The following KCNQ5 variants were observed in gnomAD, a reference collection of about 807,000 sequenced individuals.
The protein encoded by KCNQ5 is potassium voltage-gated channel subfamily KQT member 5.
In KCNQ5, 30 loss-of-function variants were observed where a neutral mutation model predicts 98.2. The ratio of observed to expected loss-of-function variants is 0.31; its 90% CI spans 0.23 to 0.41. The LOEUF (loss-of-function observed/expected upper bound fraction) is 0.41, where lower values mean the gene tolerates loss of function less well. Ranked by LOEUF, KCNQ5 falls within the 10% of genes least tolerant of loss-of-function variation. KCNQ5 has a pLI of 1.00. For missense variants in KCNQ5, 835 were observed against 1,182.5 expected, an observed-to-expected ratio of 0.71 and a Z score of 4.31; for synonymous variants, 458 against 449.4, an observed-to-expected ratio of 1.02 and a Z score of -0.24.
At chr6:72,806,597 A>G (rs1358989195) in intron 1 of KCNQ5, among the ~76,000 whole-genome samples, 1 of 152,190 alleles carries the variant, frequency 6.6e-6, no homozygotes, top group Non-Finnish European at 1.5e-5. Flanking sequence ...CACAACCTCA[A>G]GAGGTTCTCT....
At position 72,889,561 on chromosome 6, in the gene KCNQ5, A is replaced by G. The variant is rs541203170; in HGVS notation, c.399-114347A>G. Among the ~76,000 whole-genome samples the G allele has an allele frequency of 2.0e-5, 3 of 152,308 alleles. No individual in the cohort carries two copies. In the East Asian group the frequency reaches 5.8e-4, roughly 29 times the overall value. ...AGAAACAAACTCACCTTGACTCAGC[A>G]TCTACTATGTGCCAAGCGCCATGCT... is the stretch of plus-strand genomic sequence containing the variant. On this transcript the variant is annotated intron_variant, in intron 1 of 13. Coordinates refer to ENST00000370398, the MANE Select transcript of KCNQ5 (RefSeq NM_019842.4).
chr6:73,124,140 G>A (rs1775854198), intron 8 of KCNQ5, among the ~76,000 whole-genome samples: 1 of 152,188 alleles, frequency 6.6e-6, no homozygotes, highest in Admixed American at 6.5e-5. Context: ...CAGTTATGTT[G>A]TAACTAGCAA....
At chr6:72,743,935 G>A (rs1034832598) in intron 1 of KCNQ5, among the ~76,000 whole-genome samples, 4 of 152,144 alleles carry the variant, frequency 2.6e-5, no homozygotes, top group Non-Finnish European at 2.9e-5. Flanking sequence ...TTAGCCCATA[G>A]GCAGAAGTTC....
At chr6:72,674,264 A>G (rs1020170157) in intron 1 of KCNQ5, among the ~76,000 whole-genome samples, 1 of 151,808 alleles carries the variant, frequency 6.6e-6, no homozygotes, top group Admixed American at 6.6e-5. Flanking sequence ...AGCCTTGGTA[A>G]TACTTAGAGT....
chr6:72,696,809 AT>A (rs1768531392), intron 1 of KCNQ5, among the ~76,000 whole-genome samples: 1 of 152,170 alleles, frequency 6.6e-6, no homozygotes, highest in Non-Finnish European at 1.5e-5. Flanking sequence ...TATGAAATTT[AT>A]TTTTTCAAAG....
chr6:72,883,239 T>C (rs1162126796), intron 1 of KCNQ5, among the ~76,000 whole-genome samples: 1 of 152,186 alleles, frequency 6.6e-6, no homozygotes, highest in African/African-American at 2.4e-5. Flanking sequence ...ACTGTTTCTA[T>C]CTATTTATTT....
intron 1 of KCNQ5, chr6:72,987,755 T>C: frequency 2.0e-6 from 1 of 489,646 alleles, no homozygotes; most frequent in Non-Finnish European, 3.8e-6. Flanking sequence ...GATTAAACTC[T>C]AGAGTTTTGT....
At chr6:72,803,217 G>T (rs1387943362) in intron 1 of KCNQ5, among the ~76,000 whole-genome samples, 1 of 152,110 alleles carries the variant, frequency 6.6e-6, no homozygotes, top group Admixed American at 6.6e-5. Flanking sequence ...GTGAAGAGGG[G>T]CATGCAATGC....
intron 10 of KCNQ5, among the ~76,000 whole-genome samples, chr6:73,166,453 C>A (rs1297957737): frequency 3.4e-5 from 4 of 116,150 alleles, no homozygotes; most frequent in South Asian, 2.6e-4. Context: ...AAAAAAAAAA[C>A]CGCTTCATGG....
chr6:72,865,512 A>G (rs1304675312), intron 1 of KCNQ5, among the ~76,000 whole-genome samples: 2 of 152,176 alleles, frequency 1.3e-5, no homozygotes, highest in Admixed American at 6.5e-5. Flanking sequence ...GATTCAGTGC[A>G]TTATCTCTTT....
chr6:72,863,068 A>G (rs1777834775), intron 1 of KCNQ5, among the ~76,000 whole-genome samples: 1 of 152,204 alleles, frequency 6.6e-6, no homozygotes, highest in Non-Finnish European at 1.5e-5. Flanking sequence ...AGCTTATGGC[A>G]GACTAAATGA....
chr6:72,907,437 A>G (rs1246190679), intron 1 of KCNQ5, among the ~76,000 whole-genome samples: 6 of 152,152 alleles, frequency 3.9e-5, no homozygotes, highest in Non-Finnish European at 8.8e-5. Context: ...TATATATGGA[A>G]TGTATTTTTG....
chr6:72,824,166 C>G (rs1165877496), intron 1 of KCNQ5, among the ~76,000 whole-genome samples: 1 of 151,784 alleles, frequency 6.6e-6, no homozygotes, highest in Non-Finnish European at 1.5e-5. Context: ...TAAATAATTA[C>G]TAATATTTGA....
At chr6:72,858,893 G>T (rs1777639524) in intron 1 of KCNQ5, among the ~76,000 whole-genome samples, 1 of 152,026 alleles carries the variant, frequency 6.6e-6, no homozygotes. Context: ...TGTCAATGCT[G>T]GTTTCTTGGT....
chr6:72,904,176 T>C (rs367811777), intron 1 of KCNQ5, among the ~76,000 whole-genome samples: 2 of 152,222 alleles, frequency 1.3e-5, no homozygotes, highest in Admixed American at 6.5e-5. Context: ...GATACAAGAA[T>C]AGCTTGCTTT....
At chr6:73,040,999 T>C (rs1329803963) in intron 2 of KCNQ5, among the ~76,000 whole-genome samples, 1 of 152,224 alleles carries the variant, frequency 6.6e-6, no homozygotes, top group Non-Finnish European at 1.5e-5. Flanking sequence ...CAACAATCTA[T>C]AAATGTTGTT....
chr6:72,945,571 C>T (rs895646876), intron 1 of KCNQ5, among the ~76,000 whole-genome samples: 2 of 151,744 alleles, frequency 1.3e-5, no homozygotes, highest in Non-Finnish European at 2.9e-5. Flanking sequence ...TCTCCTGCCT[C>T]AGCCTTCTGA....
rs770691293 is a variant in KCNQ5 at position 72,622,479 on chromosome 6, C to G, written c.290C>G (p.Thr97Arg). Residue 97 changes from threonine (T) to arginine (R), a missense_variant, in exon 1 of 14, where the codon ACG becomes AGG. This residue lies in a region of KCNQ5 where 54 missense variants were observed against 51.5 expected (regional missense o/e 1.05). Coordinates refer to ENST00000370398, the MANE Select transcript of KCNQ5 (RefSeq NM_019842.4). The surrounding 1 kb of genome is among the most constrained non-coding windows in gnomAD (Gnocchi z 6.0). ...CTGCTGGGGAAGCCGCTCTCTTACA[C>G]GAGTAGCCAGAGCTGCCGGCGCAAC... Reference protein sequence around the residue: ...MSLLGKPLSYTSSQSCRRNVK... With the variant: ...MSLLGKPLSYRSSQSCRRNVK... 3.1e-6 allele frequency: 5 copies of G among 1,606,774 alleles called. No homozygotes were observed. Among genetic ancestry groups the G allele is most frequent in the East Asian group, 2.3e-5 (1 of 43,922 alleles).
intron 10 of KCNQ5, among the ~76,000 whole-genome samples, chr6:73,158,467 A>G (rs1380817929): frequency 1.3e-5 from 2 of 151,940 alleles, no homozygotes; most frequent in Non-Finnish European, 2.9e-5. Context: ...GGGTTTCACC[A>G]CGTTGGCCAG....
Sources: allele counts gnomAD v4.1 joint callset (sites outside exome capture counted in the v4.1 genomes callset), GRCh38; gene constraint gnomAD v4.1.1; regional missense constraint gnomAD v4.1.1; non-coding constraint Gnocchi (gnomAD v3.1); transcripts MANE v1.5; gene names NCBI Gene and HGNC (gene_info 2026-07-23, HGNC 2026-07-21).